SYNE1: variants seen among roughly 807,000 people sequenced by gnomAD.
SYNE1 encodes the protein nesprin-1.
SYNE1 carries 616 observed loss-of-function variants against 1,111.0 expected under a neutral mutation model. The observed-to-expected ratio is 0.55, with a 90% CI of 0.52 to 0.59. The LOEUF (loss-of-function observed/expected upper bound fraction) is 0.59. Among genes scored for constraint, SYNE1 ranks in the 20% least tolerant of loss-of-function variants. The pLI is 0.00. For synonymous variants in SYNE1, 3,855 were observed against 3,825.8 expected, an observed-to-expected ratio of 1.01 and a Z score of -0.28; for missense variants, 10,006 against 10,417.0, an observed-to-expected ratio of 0.96 and a Z score of 1.72.
At position 152,206,296 on chromosome 6, in the gene SYNE1, G is replaced by A. The variant is rs373174111; in HGVS notation, c.22891C>T (p.Leu7631Phe). 23 of 1,613,934 alleles carry A rather than the reference G, an allele frequency of 1.4e-5. No individual in the cohort carries two copies. The highest frequency in any genetic ancestry group is 1.7e-5 in the Non-Finnish European group (20 of 1,180,028). Reference protein sequence around the residue: ...YILTVEAGKQLLLSADSGAEA... With the variant: ...YILTVEAGKQFLLSADSGAEA... ...GCGCCACTGTCCGCCGAGAGAAGGA[G>A]TTGCTTGCCAGCCTCCACAGTCAGG... is the stretch of plus-strand genomic sequence containing the variant. The change falls in exon 126 of 146, where the codon CTC becomes TTC. Residue 7631 changes from leucine to phenylalanine, a missense_variant. Physicochemically the swap from Leu to Phe is conservative, Grantham distance 22 (BLOSUM62 0). Transcript: ENST00000367255.
intron 87 of SYNE1, among the ~76,000 whole-genome samples, chr6:152,312,709 T>C (rs1200406958): frequency 1.3e-5 from 2 of 150,976 alleles, no homozygotes; most frequent in Non-Finnish European, 2.9e-5. Flanking sequence ...ATTGAAAATA[T>C]AAAGAAGAAA....
At chr6:152,296,284 CTT>C (rs983677136) in intron 93 of SYNE1, among the ~76,000 whole-genome samples, 4 of 152,198 alleles carry the variant, frequency 2.6e-5, no homozygotes, top group Non-Finnish European at 4.4e-5. Context: ...GTCATTCACT[CTT>C]TCTCTTTTAT....
At position 152,148,293 on chromosome 6, in the gene SYNE1, C is replaced by T. The variant is rs150571577; in HGVS notation, c.24728G>A (p.Arg8243His). 19 of 1,613,620 alleles carry T rather than the reference C, an allele frequency of 1.2e-5. No homozygotes were observed. Among genetic ancestry groups the T allele is most frequent in the African/African-American group, 6.7e-5 (5 of 75,038 alleles). ...TGGAGAAAGCAGGCTGTCTGCAGAGCGGTCGTGCCAGTGCAGGTCCGACAG... is the reference window on the plus strand; with the variant it reads ...TGGAGAAAGCAGGCTGTCTGCAGAGTGGTCGTGCCAGTGCAGGTCCGACAG... Reference protein sequence around the residue: ...AALSDLHWHDRSADSLLSPQP... With the variant: ...AALSDLHWHDHSADSLLSPQP... Residue 8243 changes from arginine to histidine, a missense_variant, in exon 137 of 146, where the codon CGC (arginine) becomes CAC (histidine). Physicochemically the swap from Arg to His is conservative, Grantham distance 29. Coordinates refer to ENST00000367255, the MANE Select transcript of SYNE1 (RefSeq NM_182961.4). This position sits in a 1 kb window ranked among gnomAD's most constrained non-coding sequence, Gnocchi z 4.1.
intron 3 of SYNE1, among the ~76,000 whole-genome samples, chr6:152,552,046 C>T (rs1225180705): frequency 6.6e-6 from 1 of 152,214 alleles, no homozygotes; most frequent in Non-Finnish European, 1.5e-5. Context: ...ATACTACCTT[C>T]ATAGAACCAC....
intron 9 of SYNE1, among the ~76,000 whole-genome samples, chr6:152,504,527 C>A (rs900758974): frequency 3.2e-4 from 49 of 152,168 alleles, no homozygotes; most frequent in African/African-American, 1.1e-3. Flanking sequence ...TGTATATTTA[C>A]ATTTCTGCAT....
At chr6:152,602,410 C>T (rs2099598383) in intron 3 of SYNE1, among the ~76,000 whole-genome samples, 1 of 152,128 alleles carries the variant, frequency 6.6e-6, no homozygotes, top group Non-Finnish European at 1.5e-5. Flanking sequence ...CCCTCCCAAC[C>T]CTCAGAAGGA....
At chr6:152,291,402 TAGAA>T (rs539511486) in intron 95 of SYNE1, among the ~76,000 whole-genome samples, 69 of 152,032 alleles carry the variant, frequency 4.5e-4, no homozygotes, top group Non-Finnish European at 8.1e-4. Context: ...ACTACCAACT[TAGAA>T]AGGGAAAAAA....
rs533103710 is a variant in SYNE1 at position 152,324,377 on chromosome 6, C to T, written c.15658-640G>A. Among the ~76,000 whole-genome samples, 8 of 152,072 alleles carry T rather than the reference C, an allele frequency of 5.3e-5. 1 individual carries two copies. The highest frequency in any genetic ancestry group is 1.9e-4 in the African/African-American group (8 of 41,484). ...TCACACCACTGCACTCTAGCCTGGGCGACAGAGCAAGACTCCAAAAAGGAA... is the reference window on the plus strand; with the variant it reads ...TCACACCACTGCACTCTAGCCTGGGTGACAGAGCAAGACTCCAAAAAGGAA... On this transcript the variant is annotated intron_variant, in intron 81 of 145. Coordinates refer to ENST00000367255, the MANE Select transcript of SYNE1 (RefSeq NM_182961.4).
At chr6:152,563,979 A>T (rs2099403135) in intron 3 of SYNE1, among the ~76,000 whole-genome samples, 1 of 152,230 alleles carries the variant, frequency 6.6e-6, no homozygotes, top group Non-Finnish European at 1.5e-5. Context: ...GAGAGGTTTG[A>T]CATTACTTAA....
chr6:152,164,598 T>G (rs2063235161), intron 130 of SYNE1, among the ~76,000 whole-genome samples: 1 of 152,180 alleles, frequency 6.6e-6, no homozygotes, highest in African/African-American at 2.4e-5. Context: ...GAGCAAGGTG[T>G]GATCAGAAGT....
At chr6:152,392,144 C>T (rs764556661) in intron 51 of SYNE1, among the ~76,000 whole-genome samples, 1 of 152,164 alleles carries the variant, frequency 6.6e-6, no homozygotes, top group South Asian at 2.1e-4. Flanking sequence ...TTGTCTTGCT[C>T]TATCGCCATG....
rs763922906 is a variant in SYNE1 at position 152,141,349 on chromosome 6, C to T, written c.25120-20G>A. 52 of 1,613,118 alleles carry T rather than the reference C, an allele frequency of 3.2e-5. No individual in the cohort carries two copies. Among genetic ancestry groups the T allele is most frequent in the Admixed American group, 1.2e-4 (7 of 59,992 alleles). On this transcript the variant is annotated intron_variant, in intron 138 of 145. Transcript: ENST00000367255. ...TTTCATCTGTTTAGACATAAACAAC[C>T]GGCCCCTGTCACCCAAATCTTCATG... is the stretch of plus-strand genomic sequence containing the variant.
At chr6:152,337,535 C>T (rs4870094) in intron 75 of SYNE1, among the ~76,000 whole-genome samples, 12,527 of 152,212 alleles carry the variant, frequency 0.082, 647 homozygotes, top group East Asian at 0.15. Flanking sequence ...ATAATACGCC[C>T]GCCTTGGCCT....
intron 117 of SYNE1, among the ~76,000 whole-genome samples, chr6:152,221,973 C>T (rs1445154151): frequency 1.3e-5 from 2 of 152,162 alleles, no homozygotes; most frequent in African/African-American, 4.8e-5. Flanking sequence ...CCCTCCTGCT[C>T]TTGTTGTGTC....
intron 4 of SYNE1, among the ~76,000 whole-genome samples, chr6:152,526,600 G>A (rs2099164782): frequency 6.6e-6 from 1 of 152,126 alleles, no homozygotes; most frequent in African/African-American, 2.4e-5. Context: ...ACATTACTGG[G>A]GCTTAACAAG....
At chr6:152,342,775 C>G (rs1218092750) in intron 74 of SYNE1, among the ~76,000 whole-genome samples, 1 of 152,142 alleles carries the variant, frequency 6.6e-6, no homozygotes, top group Non-Finnish European at 1.5e-5. Flanking sequence ...CCCACATATT[C>G]TGATTAAGTC....
At chr6:152,624,155 T>G (rs549325144) in intron 3 of SYNE1, among the ~76,000 whole-genome samples, 1 of 152,284 alleles carries the variant, frequency 6.6e-6, no homozygotes, top group South Asian at 2.1e-4. Flanking sequence ...AATCAAAATT[T>G]GTCCTTGCAG....
At chr6:152,237,716 C>T (rs2084540329) in intron 108 of SYNE1, among the ~76,000 whole-genome samples, 1 of 152,130 alleles carries the variant, frequency 6.6e-6, no homozygotes, top group South Asian at 2.1e-4. Flanking sequence ...ATTACATTTG[C>T]ATATGAAACA....
At position 152,428,259 on chromosome 6, in the gene SYNE1, C is replaced by G; in HGVS notation, c.4922G>C (p.Arg1641Thr). 1 of 1,614,074 alleles carries G rather than the reference C, an allele frequency of 6.2e-7. No homozygotes were observed. Among genetic ancestry groups the G allele is most frequent in the Non-Finnish European group, 8.5e-7 (1 of 1,180,004 alleles). Residue 1641 changes from arginine to threonine, a missense_variant, in exon 37 of 146, where the codon AGG becomes ACG. By Grantham distance (71) the Arg-to-Thr change is moderately conservative (BLOSUM62 -1). Coordinates refer to ENST00000367255, the MANE Select transcript of SYNE1 (RefSeq NM_182961.4). ...ALQQQYEDIL[R>T]RAKERQTALE... ...CGCCGTCTGTCTCTCCTTCGCCCTC[C>G]TTAGGATGTCCTCGTATTGCTGCTG... is the stretch of plus-strand genomic sequence containing the variant.
Sources: allele counts gnomAD v4.1 joint callset (sites outside exome capture counted in the v4.1 genomes callset), GRCh38; gene constraint gnomAD v4.1.1; non-coding constraint Gnocchi (gnomAD v3.1); transcripts MANE v1.5; gene names NCBI Gene and HGNC (gene_info 2026-07-23, HGNC 2026-07-21).